The following CORIN variants were observed in gnomAD, a reference collection of about 807,000 sequenced individuals.
CORIN encodes the protein atrial natriuretic peptide-converting enzyme.
In CORIN, 117 loss-of-function variants were observed where a neutral mutation model predicts 125.3. The ratio of observed to expected loss-of-function variants is 0.93; its 90% CI spans 0.80 to 1.09. The LOEUF is 1.09. CORIN is among the 50% of genes least tolerant of loss of function. CORIN has a pLI of 0.00. For missense variants in CORIN, 1,253 were observed against 1,306.7 expected, an observed-to-expected ratio of 0.96 and a Z score of 0.63; for synonymous variants, 450 against 466.4, an observed-to-expected ratio of 0.96 and a Z score of 0.45.
chr4:47,715,417 G>A (rs2109785446), intron 5 of CORIN, among the ~76,000 whole-genome samples: 1 of 152,216 alleles, frequency 6.6e-6, no homozygotes, highest in East Asian at 1.9e-4. Context: ...ACCCACCCTG[G>A]GCAACATGGC....
intron 12 of CORIN, among the ~76,000 whole-genome samples, chr4:47,659,749 C>G (rs138085027): frequency 9.3e-4 from 141 of 152,306 alleles, no homozygotes; most frequent in Non-Finnish European, 1.7e-3. Flanking sequence ...AACATGAGAT[C>G]TGAGCAGGGA....
intron 5 of CORIN, among the ~76,000 whole-genome samples, chr4:47,723,707 A>C (rs1727454872): frequency 6.6e-6 from 1 of 152,148 alleles, no homozygotes; most frequent in Non-Finnish European, 1.5e-5. Context: ...CATACAAAGA[A>C]GCAGGGCAAG....
At chr4:47,671,109 T>A (rs1330599080) in intron 10 of CORIN, among the ~76,000 whole-genome samples, 2 of 152,228 alleles carry the variant, frequency 1.3e-5, no homozygotes, top group African/African-American at 4.8e-5. Context: ...ACTAGAGCAA[T>A]ACATTCTCAA....
rs146254225 is a variant in CORIN at position 47,792,751 on chromosome 4, A to AAGC, written c.209-5829_209-5827dup. ...ACTAAAAAGTGTTGCTTCTAGGCAG[A>AAGC]AGCATTTAATTGCTGATGTAAGAGC... On this transcript the variant is annotated intron_variant, in intron 2 of 21. Coordinates refer to ENST00000273857, the MANE Select transcript of CORIN (RefSeq NM_006587.4). 5.8e-3 allele frequency among the ~76,000 whole-genome samples: 885 copies of AAGC among 152,326 alleles called. 8 individuals are homozygous for AAGC. The highest frequency in any genetic ancestry group is 0.02 in the African/African-American group (830 of 41,586).
chr4:47,771,619 G>T lies in CORIN; in HGVS notation c.410-8033C>A, dbSNP rs78818355. 1.9e-3 allele frequency among the ~76,000 whole-genome samples: 294 copies of T among 152,200 alleles called. 1 individual carries two copies. The highest frequency in any genetic ancestry group is 6.7e-3 in the African/African-American group (279 of 41,526). The stretch of plus-strand genomic sequence containing the variant: ...ACCCTCCACCCTCTGATAGACCCCA[G>T]TGTGAATTGTTTCCCTCTATGTGTC... On this transcript the variant is annotated intron_variant, in intron 3 of 21. Coordinates refer to ENST00000273857, the MANE Select transcript of CORIN (RefSeq NM_006587.4).
At chr4:47,643,983 C>T (rs1723353041) in intron 14 of CORIN, among the ~76,000 whole-genome samples, 2 of 152,228 alleles carry the variant, frequency 1.3e-5, no homozygotes, top group African/African-American at 4.8e-5. Flanking sequence ...TTGTGCTTCA[C>T]AGGACAGCTC....
intron 5 of CORIN, among the ~76,000 whole-genome samples, chr4:47,710,589 C>A (rs1726794343): frequency 6.6e-6 from 1 of 152,176 alleles, no homozygotes. Flanking sequence ...ACCAGTGCTG[C>A]CCCCCTATAG....
chr4:47,653,212 T>C (rs1723814145), intron 13 of CORIN, among the ~76,000 whole-genome samples: 1 of 152,188 alleles, frequency 6.6e-6, no homozygotes, highest in African/African-American at 2.4e-5. Flanking sequence ...AACTCTATCA[T>C]AGGTACATAT....
intron 7 of CORIN, chr4:47,680,457 G>T: frequency 2.1e-6 from 1 of 484,070 alleles, no homozygotes; most frequent in Admixed American, 3.8e-5. Context: ...GGGGTAAGAT[G>T]GGTCTGTTTT....
At chr4:47,801,476 C>T (rs1276185954) in intron 2 of CORIN, among the ~76,000 whole-genome samples, 2 of 152,216 alleles carry the variant, frequency 1.3e-5, no homozygotes, top group Non-Finnish European at 1.5e-5. Flanking sequence ...AATCAAAAAT[C>T]AGGTGAGCAA....
At chr4:47,817,801 G>A (rs1420577379) in intron 1 of CORIN, among the ~76,000 whole-genome samples, 1 of 152,148 alleles carries the variant, frequency 6.6e-6, no homozygotes, top group East Asian at 1.9e-4. Flanking sequence ...TTTGTTCACA[G>A]GTTCTAGCCA....
chr4:47,626,350 A>G lies in CORIN; in HGVS notation c.2315+55T>C, dbSNP rs941763137. 1.6e-5 allele frequency: 17 copies of G among 1,064,710 alleles called. No homozygotes were observed. In the East Asian group the frequency reaches 4.0e-4, roughly 25 times the overall value. 66.0% of individuals were successfully genotyped at this position (1,064,710 alleles called of 1,614,324 possible). ...TAAAAAATGGAAGAAAGGCCCAATG[A>G]TAAACTCTTGCTCTGTAATCTGACT... On this transcript the variant is annotated intron_variant, in intron 17 of 21. Transcript: ENST00000273857.
At chr4:47,761,270 C>T (rs1729441211) in intron 4 of CORIN, among the ~76,000 whole-genome samples, 5 of 152,206 alleles carry the variant, frequency 3.3e-5, no homozygotes, top group Admixed American at 3.3e-4. Flanking sequence ...TCATCTCTAG[C>T]TTTTCATTTA....
intron 16 of CORIN, among the ~76,000 whole-genome samples, chr4:47,636,267 C>A (rs2109592942): frequency 6.6e-6 from 1 of 152,284 alleles, no homozygotes; most frequent in African/African-American, 2.4e-5. Flanking sequence ...GATTATCTAA[C>A]TTTAGATAAA....
At chr4:47,787,754 A>G (rs1006644550) in intron 2 of CORIN, among the ~76,000 whole-genome samples, 6 of 152,334 alleles carry the variant, frequency 3.9e-5, no homozygotes, top group Admixed American at 1.3e-4. Context: ...AGCAGTATAC[A>G]CTGCACCTAA....
intron 12 of CORIN, among the ~76,000 whole-genome samples, chr4:47,657,863 T>C (rs942130856): frequency 1.3e-5 from 2 of 152,078 alleles, no homozygotes; most frequent in Admixed American, 6.6e-5. Flanking sequence ...CCTCCAACAC[T>C]AGGATTACAT....
chr4:47,641,953 A>G lies in CORIN; in HGVS notation c.2165T>C (p.Leu722Ser). The change falls in exon 16 of 22, where the codon TTG becomes TCG. Residue 722 changes from leucine (L) to serine (S), a missense_variant. Coordinates refer to ENST00000273857, the MANE Select transcript of CORIN (RefSeq NM_006587.4). Reference protein sequence around the residue: ...HVCADGWQEILSQLACKQMGL... With the variant: ...HVCADGWQEISSQLACKQMGL... ...CATCTGCTTGCAGGCCAGCTGACTC[A>G]ATATCTCCTGCCAGCCATCTGCACA... is the stretch of plus-strand genomic sequence containing the variant. The G allele has an allele frequency of 5.6e-6, 9 of 1,613,576 alleles. No individual in the cohort carries two copies. The highest frequency in any genetic ancestry group is 7.6e-6 in the Non-Finnish European group (9 of 1,179,634).
At chr4:47,638,875 A>T (rs1188337575) in intron 16 of CORIN, among the ~76,000 whole-genome samples, 2 of 152,218 alleles carry the variant, frequency 1.3e-5, no homozygotes, top group Non-Finnish European at 2.9e-5. Context: ...AAGTTTTCAA[A>T]TTCAACAAAG....
In CORIN at chr4:47,757,456, C is replaced by T. The variant is rs555663437; in HGVS notation, c.617+5923G>A. On this transcript the variant is annotated intron_variant, in intron 4 of 21. Transcript: ENST00000273857. ...TAAAAATACAAAAATTAGCCAGGCGCGGTGGTGGGCGCCTGTAATCCCAGC... is the reference window on the plus strand; with the variant it reads ...TAAAAATACAAAAATTAGCCAGGCGTGGTGGTGGGCGCCTGTAATCCCAGC... Among the ~76,000 whole-genome samples, 339 of 151,638 alleles carry T rather than the reference C, an allele frequency of 2.2e-3. 1 individual carries two copies. Among genetic ancestry groups the T allele is most frequent in the African/African-American group, 7.3e-3 (301 of 41,342 alleles).
Sources: gnomAD v4.1 joint callset for allele counts (sites outside exome capture counted in the v4.1 genomes callset) on GRCh38, gnomAD v4.1.1 for gene constraint, MANE v1.5 for transcripts, NCBI Gene and HGNC (gene_info 2026-07-23, HGNC 2026-07-21) for gene names.